The following CPSF4 variants were observed in gnomAD, a reference collection of about 807,000 sequenced individuals.
CPSF4 encodes the protein cleavage and polyadenylation specificity factor subunit 4.
A neutral mutation model predicts 37.7 loss-of-function variants in CPSF4; 11 were observed. The observed-to-expected ratio is 0.29, with a 90% CI of 0.18 to 0.48. CPSF4 has a LOEUF of 0.48. Among genes scored for constraint, CPSF4 ranks in the 20% least tolerant of loss-of-function variants. CPSF4 has a pLI of 0.99. For synonymous variants in CPSF4, 132 were observed against 135.9 expected, an observed-to-expected ratio of 0.97 and a Z score of 0.20; for missense variants, 144 against 359.5, an observed-to-expected ratio of 0.40 and a Z score of 4.85.
chr7:99,456,671 ATTTTTTG>A lies in CPSF4; in HGVS notation c.*172_*178del. The A allele has an allele frequency of 1.4e-6, 1 of 694,556 alleles. No individual in the cohort carries two copies. The highest frequency in any genetic ancestry group is 2.6e-6 in the Non-Finnish European group (1 of 381,918). The allele number at this position is 694,556 out of a possible 1,614,324, so 43.0% of individuals were successfully genotyped here. On this transcript the variant is annotated 3_prime_UTR_variant, in exon 8 of 8. Coordinates refer to ENST00000292476, the MANE Select transcript of CPSF4 (RefSeq NM_006693.4). ...TAGTTTCCTATCATTTTGCCTTAGT[ATTTTTTG>A]AAAAAGGGACATGTGTCCTGTGGGT... is the stretch of plus-strand genomic sequence containing the variant.
At chr7:99,444,934 A>G (rs945059577) in intron 2 of CPSF4, 95 bp downstream of exon 2, 14 of 1,069,268 alleles carry the variant, frequency 1.3e-5, no homozygotes, top group Admixed American at 8.9e-5. Flanking sequence ...TCTGGCTTAC[A>G]TTGCTTTCTA....
chr7:99,439,157 G>C lies in CPSF4; in HGVS notation c.75G>C (p.Ala25=). The C allele has an allele frequency of 6.2e-7, 1 of 1,607,642 alleles. No homozygotes were observed. Among genetic ancestry groups the C allele is most frequent in the South Asian group, 1.1e-5 (1 of 90,586 alleles). The change falls in exon 1 of 8, where the codon GCG becomes GCC. Residue 25 remains alanine, a synonymous_variant. Coordinates refer to ENST00000292476, the MANE Select transcript of CPSF4 (RefSeq NM_006693.4). The part of the protein sequence containing the change: ...LEIAVEQQLG[A]QPLPFPGMDK... Reference sequence around the variant, plus strand: ...TCGCGGTGGAGCAGCAGCTGGGGGCGCAGCCGCTGCCCTTCCCCGGCATGG... The same window carrying C: ...TCGCGGTGGAGCAGCAGCTGGGGGCCCAGCCGCTGCCCTTCCCCGGCATGG...
chr7:99,444,345 T>G (rs1797292871), intron 1 of CPSF4, among the ~76,000 whole-genome samples: 1 of 151,912 alleles, frequency 6.6e-6, no homozygotes, highest in African/African-American at 2.4e-5. Context: ...TAATCCCAGC[T>G]ACTTGGGAGG....
chr7:99,442,455 G>C (rs1797072315), intron 1 of CPSF4, among the ~76,000 whole-genome samples: 1 of 151,802 alleles, frequency 6.6e-6, no homozygotes, highest in East Asian at 1.9e-4. Flanking sequence ...AGGAGATCGA[G>C]ACCATCCTGG....
Position 99,439,004 on chromosome 7 carries a change from C to A in CPSF4, c.-79C>A. ...CGAAGCGAAGGAGGAGTGTGTGCGG[C>A]GGGGCCGGCGGCGGGTAAAGGCGAG... is the stretch of plus-strand genomic sequence containing the variant. On this transcript the variant is annotated 5_prime_UTR_variant, in exon 1 of 8. Transcript: ENST00000292476. The A allele has an allele frequency of 2.8e-6, 4 of 1,408,798 alleles. No individual in the cohort carries two copies. The highest frequency in any genetic ancestry group is 3.8e-6 in the Non-Finnish European group (4 of 1,063,960). 87.3% of individuals were successfully genotyped at this position (1,408,798 alleles called of 1,614,324 possible). A position where few individuals can be genotyped will look rare whatever the true frequency, so the allele number is the denominator to read the frequency against.
chr7:99,442,776 T>G, intron 1 of CPSF4: 3 of 666,444 alleles, frequency 4.5e-6, no homozygotes, highest in Non-Finnish European at 8.1e-6. Flanking sequence ...TTACCTGGGG[T>G]ACCTGCTCCC....
chr7:99,456,880 G>A lies in CPSF4; in HGVS notation c.*380G>A. 1 of 368,148 alleles carries A rather than the reference G, an allele frequency of 2.7e-6. No homozygotes were observed. The highest frequency in any genetic ancestry group is 5.3e-6 in the Non-Finnish European group (1 of 188,702). 22.8% of individuals were successfully genotyped at this position (368,148 alleles called of 1,614,324 possible). A position where few individuals can be genotyped will look rare whatever the true frequency, so the allele number is the denominator to read the frequency against. On this transcript the variant is annotated 3_prime_UTR_variant, in exon 8 of 8. Coordinates refer to ENST00000292476, the MANE Select transcript of CPSF4 (RefSeq NM_006693.4). The stretch of plus-strand genomic sequence containing the variant: ...CCAGTTCTTGGTGACGCCAGGGGCT[G>A]GTAGGTCATTCAAAGCTGTGGCCAG...
intron 5 of CPSF4, among the ~76,000 whole-genome samples, chr7:99,451,689 T>A (rs923242998): frequency 1.3e-5 from 2 of 152,244 alleles, no homozygotes; most frequent in African/African-American, 4.8e-5. Flanking sequence ...AGCACCCCTC[T>A]TGTGGCTCCA....
At position 99,453,877 on chromosome 7, in the gene CPSF4, C is replaced by G. The variant is rs143903645; in HGVS notation, c.571-89C>G. 9.5e-4 allele frequency: 1,223 copies of G among 1,291,946 alleles called. 8 individuals are homozygous for G. The highest frequency in any genetic ancestry group is 7.4e-3 in the African/African-American group (503 of 67,782). The allele number at this position is 1,291,946 out of a possible 1,614,324, so 80.0% of individuals were successfully genotyped here. A position where few individuals can be genotyped will look rare whatever the true frequency, so the allele number is the denominator to read the frequency against. ...GCCCTGCTTCCTGCCGTTTGCGGGA[C>G]GAGTCCCGCCCTCTTTTTTCCTGTC... On this transcript the variant is annotated intron_variant, in intron 6 of 7. Transcript: ENST00000292476. The surrounding 1 kb of genome is among the most constrained non-coding windows in gnomAD (Gnocchi z 4.7).
At chr7:99,442,080 C>G (rs1354296977) in intron 1 of CPSF4, among the ~76,000 whole-genome samples, 1 of 152,238 alleles carries the variant, frequency 6.6e-6, no homozygotes, top group Non-Finnish European at 1.5e-5. Context: ...GCAAAATCTG[C>G]TTGCTTCCAA....
At chr7:99,439,807 C>A (rs958865463) in intron 1 of CPSF4, among the ~76,000 whole-genome samples, 7 of 152,098 alleles carry the variant, frequency 4.6e-5, no homozygotes, top group African/African-American at 2.4e-5. Context: ...CTGTAGGAGA[C>A]CCCAGCTAGA....
Position 99,448,281 on chromosome 7 carries a change from G to A in CPSF4, c.307+8G>A, listed in dbSNP as rs775427070. On this transcript the variant is annotated splice_region_variant and intron_variant, in intron 3 of 7. Transcript: ENST00000292476. The surrounding 1 kb of genome is among the most constrained non-coding windows in gnomAD (Gnocchi z 4.4). Reference sequence around the variant, plus strand: ...ACTTCTACTCCAAGTTCGGTAAGGCGCCTGGAGCCCTGGAGGCTCTGCTGA... The same window carrying A: ...ACTTCTACTCCAAGTTCGGTAAGGCACCTGGAGCCCTGGAGGCTCTGCTGA... 10 of 1,613,732 alleles carry A rather than the reference G, an allele frequency of 6.2e-6. No homozygotes were observed. Among genetic ancestry groups the A allele is most frequent in the South Asian group, 4.4e-5 (4 of 91,050 alleles).
chr7:99,443,237 T>A, intron 1 of CPSF4: 1 of 774,584 alleles, frequency 1.3e-6, no homozygotes, highest in Middle Eastern at 2.3e-4. Context: ...CAGATGTAAT[T>A]TTCACCACTT....
At chr7:99,455,787 C>T (rs749455508) in intron 7 of CPSF4, among the ~76,000 whole-genome samples, 5 of 152,240 alleles carry the variant, frequency 3.3e-5, no homozygotes, top group Non-Finnish European at 7.3e-5. Context: ...GCTCTGCAGG[C>T]TCCCCTTACC....
intron 2 of CPSF4, among the ~76,000 whole-genome samples, chr7:99,446,255 C>G (rs918880288): frequency 2.6e-4 from 39 of 152,210 alleles, no homozygotes; most frequent in Non-Finnish European, 1.5e-4. Flanking sequence ...ACAGCCATCC[C>G]TAACACAGGG....
intron 1 of CPSF4, among the ~76,000 whole-genome samples, chr7:99,443,822 G>A (rs994502175): frequency 6.6e-6 from 1 of 152,170 alleles, no homozygotes; most frequent in African/African-American, 2.4e-5. Flanking sequence ...AGGAAGCTGA[G>A]GCAGGAGAAT....
At chr7:99,450,653 T>C in intron 4 of CPSF4, 49 bp from the exon 5 acceptor site, 1 of 1,437,016 alleles carries the variant, frequency 7.0e-7, no homozygotes, top group Non-Finnish European at 9.8e-7. Context: ...GCTCCAGCTC[T>C]CTAACTGGTA....
chr7:99,440,674 A>ATATATATATATATATATATTTTT, intron 1 of CPSF4, among the ~76,000 whole-genome samples: 1 of 88,130 alleles, frequency 1.1e-5, no homozygotes, highest in Non-Finnish European at 1.8e-5. Context: ...ATATATATAT[A>ATATATATATATATATATATTTTT]TTTTTTTTTT....
At chr7:99,454,382 G>A (rs569702470) in intron 7 of CPSF4, among the ~76,000 whole-genome samples, 4 of 152,354 alleles carry the variant, frequency 2.6e-5, no homozygotes, top group South Asian at 4.1e-4. Flanking sequence ...GACGGGGCCT[G>A]CAGGCAGGTG....
Sources: gnomAD v4.1 joint callset for allele counts (sites outside exome capture counted in the v4.1 genomes callset) on GRCh38, gnomAD v4.1.1 for gene constraint, Gnocchi (gnomAD v3.1) non-coding constraint, MANE v1.5 for transcripts, NCBI Gene and HGNC (gene_info 2026-07-23, HGNC 2026-07-21) for gene names.